The following COLEC10 variants were observed in gnomAD, a reference collection of about 807,000 sequenced individuals.
The protein encoded by COLEC10 is collectin-10.
In COLEC10, 22 loss-of-function variants were observed where a neutral mutation model predicts 28.4. That is an observed-to-expected ratio of 0.78 (90% CI 0.55 to 1.11). COLEC10 has a LOEUF of 1.11. Ranked by LOEUF, COLEC10 falls within the 50% of genes least tolerant of loss-of-function variation. The probability of loss-of-function intolerance (pLI) is 0.00; values close to 1 mark genes in which losing one functional copy is unlikely to be tolerated. For synonymous variants in COLEC10, 125 were observed against 116.1 expected (o/e 1.08, Z -0.49); for missense variants, 361 against 344.1 (o/e 1.05, Z -0.39).
the COLEC10 span, among the ~76,000 whole-genome samples, chr8:118,982,028 T>C: frequency 1.3e-5 from 2 of 152,080 alleles, no homozygotes; most frequent in African/African-American, 2.4e-5. Flanking sequence ...AAGATAGTTT[T>C]ATTGTTAATT....
the COLEC10 span, among the ~76,000 whole-genome samples, chr8:118,961,227 T>A: frequency 6.6e-6 from 1 of 152,216 alleles, no homozygotes; most frequent in Non-Finnish European, 1.5e-5. Context: ...GACACACAGT[T>A]AGAAAGAGAT....
chr8:118,958,992 A>G, the COLEC10 span, among the ~76,000 whole-genome samples: 2 of 152,178 alleles, frequency 1.3e-5, no homozygotes, highest in African/African-American at 4.8e-5. Flanking sequence ...AATCTCAAAG[A>G]GATATTTGTT....
the COLEC10 span, among the ~76,000 whole-genome samples, chr8:118,954,569 C>T: frequency 1.3e-5 from 2 of 152,222 alleles, no homozygotes; most frequent in African/African-American, 2.4e-5. Flanking sequence ...CAGAGGCCAT[C>T]GGTGACATTA....
chr8:119,071,216 C>G (rs1815117741), intron 1 of COLEC10, among the ~76,000 whole-genome samples: 1 of 152,170 alleles, frequency 6.6e-6, no homozygotes, highest in Admixed American at 6.5e-5. Context: ...CATATCTCCT[C>G]TTTGATAATC....
At chr8:119,026,313 G>T (rs534145999) in intron 2 of COLEC10, among the ~76,000 whole-genome samples, 7 of 152,226 alleles carry the variant, frequency 4.6e-5, no homozygotes, top group African/African-American at 1.7e-4. Flanking sequence ...TAGCACTTTG[G>T]GAGACCAAGA....
chr8:118,961,065 G>GTTA, the COLEC10 span, among the ~76,000 whole-genome samples: 2 of 152,150 alleles, frequency 1.3e-5, no homozygotes, highest in Non-Finnish European at 2.9e-5. Flanking sequence ...TATAACATTT[G>GTTA]TATGGTGCTT....
the COLEC10 span, among the ~76,000 whole-genome samples, chr8:118,989,574 CACA>C: frequency 3.4e-5 from 5 of 148,700 alleles, no homozygotes; most frequent in African/African-American, 5.1e-5. Flanking sequence ...CACACACACA[CACA>C]CCCCTACCTA....
rs553734713 is a variant in COLEC10 at position 119,054,424 on chromosome 8, G to T, written n.236-35256G>T. ...TCAGATTGCAAACAGGTCATATAAA[G>T]ACGTTTGTATTTTAAAAGATAAGTG... is the stretch of plus-strand genomic sequence containing the variant. On this transcript the variant is annotated intron_variant and non_coding_transcript_variant, in intron 2 of 6. Coordinates refer to the COLEC10 transcript ENST00000521788. 3.3e-5 allele frequency among the ~76,000 whole-genome samples: 5 copies of T among 152,162 alleles called. No individual in the cohort carries two copies. The East Asian group carries it at 9.7e-4, about 29-fold the overall frequency.
the COLEC10 span, among the ~76,000 whole-genome samples, chr8:118,961,598 C>T: frequency 2.0e-5 from 3 of 152,150 alleles, no homozygotes; most frequent in African/African-American, 7.2e-5. Context: ...GGCCTGCCTC[C>T]CTCTCCACCC....
At chr8:119,085,051 A>G (rs533181389) in intron 1 of COLEC10, among the ~76,000 whole-genome samples, 4 of 152,376 alleles carry the variant, frequency 2.6e-5, no homozygotes, top group Non-Finnish European at 4.4e-5. Flanking sequence ...ATCCACAGCA[A>G]TCCTATGAGG....
Position 119,008,566 on chromosome 8 carries a change from C to T in COLEC10, n.123-875C>T, listed in dbSNP as rs909031426. On this transcript the variant is annotated intron_variant and non_coding_transcript_variant, in intron 1 of 6. Coordinates refer to the COLEC10 transcript ENST00000521788. ...AAGTTCGCATCTCTTCAGGGAGATGCTCCTAGAGAATAACCAGTGGGATGA... is the reference window on the plus strand; with the variant it reads ...AAGTTCGCATCTCTTCAGGGAGATGTTCCTAGAGAATAACCAGTGGGATGA... 2.0e-5 allele frequency among the ~76,000 whole-genome samples: 3 copies of T among 150,058 alleles called. 1 individual carries two copies. The highest frequency in any genetic ancestry group is 5.0e-5 in the African/African-American group (2 of 39,782).
chr8:119,015,091 T>C (rs1813967112), intron 2 of COLEC10, among the ~76,000 whole-genome samples: 1 of 151,176 alleles, frequency 6.6e-6, no homozygotes, highest in South Asian at 2.1e-4. Context: ...TTTTAACTGT[T>C]TCTTCAAAGT....
At chr8:118,995,872 G>GTTT (rs5894468) in intron 1 of COLEC10, among the ~76,000 whole-genome samples, 2 of 151,654 alleles carry the variant, frequency 1.3e-5, no homozygotes, top group African/African-American at 4.8e-5. Context: ...TTTTCTTTCT[G>GTTT]TTTTTTTTAA....
upstream of COLEC10, among the ~76,000 whole-genome samples, chr8:119,062,681 T>A (rs1385838693): frequency 6.6e-6 from 1 of 152,100 alleles, no homozygotes; most frequent in Non-Finnish European, 1.5e-5. Context: ...GGTTTCACCA[T>A]GTTGGCCAGG....
chr8:119,075,337 G>T (rs1320881319), intron 1 of COLEC10, among the ~76,000 whole-genome samples: 1 of 152,074 alleles, frequency 6.6e-6, no homozygotes, highest in Non-Finnish European at 1.5e-5. Flanking sequence ...ATTATGCATT[G>T]GATGTGCAAT....
chr8:119,017,228 G>C (rs1814010732), intron 2 of COLEC10, among the ~76,000 whole-genome samples: 1 of 152,172 alleles, frequency 6.6e-6, no homozygotes, highest in Admixed American at 6.6e-5. Flanking sequence ...TCTGAATCCA[G>C]GGCATGTGGT....
intron 2 of COLEC10, among the ~76,000 whole-genome samples, chr8:119,042,062 A>G (rs1454634220): frequency 7.2e-5 from 11 of 151,732 alleles, no homozygotes; most frequent in Non-Finnish European, 1.5e-5. Context: ...CAGTGGCACA[A>G]TCTCCGCTCA....
chr8:118,959,000 G>A, the COLEC10 span, among the ~76,000 whole-genome samples: 1 of 152,214 alleles, frequency 6.6e-6, no homozygotes, highest in Non-Finnish European at 1.5e-5. Flanking sequence ...AGAGATATTT[G>A]TTGGAGGTAG....
chr8:118,969,033 C>T, the COLEC10 span, among the ~76,000 whole-genome samples: 3 of 151,966 alleles, frequency 2.0e-5, no homozygotes, highest in African/African-American at 7.2e-5. Flanking sequence ...GAGTTAGAGG[C>T]ATTATCCTGA....
Sources: gnomAD v4.1 joint callset for allele counts (sites outside exome capture counted in the v4.1 genomes callset) on GRCh38, gnomAD v4.1.1 for gene constraint, MANE v1.5 for transcripts, NCBI Gene and HGNC (gene_info 2026-07-23, HGNC 2026-07-21) for gene names.